The following PTTG1IP2 variants were observed in gnomAD, a reference collection of about 807,000 sequenced individuals.
The protein encoded by PTTG1IP2 is PTTG1IP family member 2.
intron 6 of PTTG1IP2, among the ~76,000 whole-genome samples, chr7:90,507,206 G>A (rs951514237): frequency 6.6e-6 from 1 of 152,070 alleles, no homozygotes; most frequent in South Asian, 2.1e-4. Flanking sequence ...TTCTGTAAGT[G>A]TATGTAGTGA....
chr7:90,485,696 G>C (rs986906564), intron 2 of PTTG1IP2, among the ~76,000 whole-genome samples: 3 of 152,202 alleles, frequency 2.0e-5, no homozygotes, highest in African/African-American at 7.2e-5. Flanking sequence ...AGGCATAGGG[G>C]AGATTGTCTC....
At chr7:90,472,622 C>G (rs1797704941) in intron 1 of PTTG1IP2, among the ~76,000 whole-genome samples, 1 of 152,180 alleles carries the variant, frequency 6.6e-6, no homozygotes, top group Non-Finnish European at 1.5e-5. Flanking sequence ...GTGGTGGGCT[C>G]TGGTAGCTGC....
At chr7:90,508,124 C>T (rs974094652) in intron 6 of PTTG1IP2, among the ~76,000 whole-genome samples, 20 of 151,616 alleles carry the variant, frequency 1.3e-4, no homozygotes, top group Non-Finnish European at 1.3e-4. Context: ...TTTAGCCAGG[C>T]ATGGTGGTGG....
chr7:90,484,962 T>C (rs1447780711), intron 2 of PTTG1IP2, among the ~76,000 whole-genome samples: 1 of 152,174 alleles, frequency 6.6e-6, no homozygotes, highest in Non-Finnish European at 1.5e-5. Flanking sequence ...ACTTAAATAG[T>C]TGTAACTCAA....
At chr7:90,478,196 T>G (rs988924958) in intron 1 of PTTG1IP2, among the ~76,000 whole-genome samples, 3 of 151,926 alleles carry the variant, frequency 2.0e-5, no homozygotes, top group Non-Finnish European at 4.4e-5. Flanking sequence ...TCTGTAAATC[T>G]GAAATTATAC....
rs1221337646 is a variant in PTTG1IP2, at chr7:90,472,477, C to T, written c.145+2546C>T. Among the ~76,000 whole-genome samples, 4 of 152,172 alleles carry T rather than the reference C, an allele frequency of 2.6e-5. No individual in the cohort carries two copies. The East Asian group carries it at 7.7e-4, about 29-fold the overall frequency. ...CAGAATGAAATTAAAAGGCAGATAG[C>T]TCCAAGGAAATAAATTGAAGGCCAA... On this transcript the variant is annotated intron_variant, in intron 1 of 6. Transcript: ENST00000509356.
chr7:90,481,484 A>G lies in PTTG1IP2; in HGVS notation c.192+2210A>G, dbSNP rs188221932. 2.0e-4 allele frequency among the ~76,000 whole-genome samples: 31 copies of G among 152,262 alleles called. 1 individual carries two copies. Among genetic ancestry groups the G allele is most frequent in the Admixed American group, 2.0e-3 (30 of 15,290 alleles). On this transcript the variant is annotated intron_variant, in intron 2 of 6. Coordinates refer to ENST00000509356, the MANE Select transcript of PTTG1IP2 (RefSeq NM_001365443.2). Reference sequence around the variant, plus strand: ...CTATCACTTGCTTTTGGTTAGCAATATTGCCTAAAATTTCCCACAGCAGCA... The same window carrying G: ...CTATCACTTGCTTTTGGTTAGCAATGTTGCCTAAAATTTCCCACAGCAGCA...
chr7:90,490,434 G>GA (rs74273143), intron 4 of PTTG1IP2, among the ~76,000 whole-genome samples: 5,392 of 128,966 alleles, frequency 0.042, 198 homozygotes, highest in African/African-American at 0.1. Flanking sequence ...AGTGCTTGCA[G>GA]AAAAAAAAAA....
chr7:90,490,800 C>T (rs1386125934), intron 4 of PTTG1IP2, among the ~76,000 whole-genome samples: 3 of 152,034 alleles, frequency 2.0e-5, no homozygotes, highest in African/African-American at 2.4e-5. Flanking sequence ...GAGTAGGGGC[C>T]TGAGCAAATA....
At chr7:90,495,950 A>G (rs755775985) in intron 6 of PTTG1IP2, among the ~76,000 whole-genome samples, 8 of 152,204 alleles carry the variant, frequency 5.3e-5, no homozygotes, top group Non-Finnish European at 1.0e-4. Context: ...GTATCTATTA[A>G]AATTTGGGGT....
chr7:90,491,263 G>A (rs1797934845), intron 4 of PTTG1IP2, among the ~76,000 whole-genome samples: 1 of 152,140 alleles, frequency 6.6e-6, no homozygotes, highest in South Asian at 2.1e-4. Context: ...TATTCTTTTA[G>A]CAAATATTTA....
chr7:90,491,896 C>G (rs562562015), intron 4 of PTTG1IP2, among the ~76,000 whole-genome samples: 3 of 151,718 alleles, frequency 2.0e-5, no homozygotes, highest in Non-Finnish European at 4.4e-5. Flanking sequence ...TTTGGGAGGC[C>G]GAAGTGGGTG....
chr7:90,510,764 G>A (rs1230173440), intron 6 of PTTG1IP2, among the ~76,000 whole-genome samples: 2 of 152,190 alleles, frequency 1.3e-5, no homozygotes, highest in Non-Finnish European at 2.9e-5. Context: ...CGAGGAGATG[G>A]TAACCATATC....
chr7:90,481,520 C>T (rs977866932), intron 2 of PTTG1IP2, among the ~76,000 whole-genome samples: 2 of 152,090 alleles, frequency 1.3e-5, no homozygotes, highest in Admixed American at 1.3e-4. Context: ...ATTTCCCCAT[C>T]CCATCAATAT....
At chr7:90,476,944 T>G (rs1797755076) in intron 1 of PTTG1IP2, among the ~76,000 whole-genome samples, 1 of 152,180 alleles carries the variant, frequency 6.6e-6, no homozygotes, top group South Asian at 2.1e-4. Context: ...AAAAATTTTG[T>G]TTTGATATTT....
At chr7:90,470,114 A>G (rs1202589159) in intron 1 of PTTG1IP2, 183 bp downstream of exon 1, 4 of 152,384 alleles carry the variant, frequency 2.6e-5, no homozygotes, top group East Asian at 1.9e-4. Context: ...ACTCAGATTA[A>G]TTTGGTTTAT....
chr7:90,472,283 CA>C (rs1797698948), intron 1 of PTTG1IP2, among the ~76,000 whole-genome samples: 2 of 31,776 alleles, frequency 6.3e-5, no homozygotes, highest in Non-Finnish European at 1.0e-4. Context: ...CATGCAAACA[CA>C]CACACACACA....
intron 5 of PTTG1IP2, among the ~76,000 whole-genome samples, chr7:90,493,555 T>C (rs545836107): frequency 6.6e-5 from 10 of 152,328 alleles, no homozygotes; most frequent in South Asian, 2.1e-4. Context: ...GTTAGGTATT[T>C]ATTTAGTTTA....
At chr7:90,473,188 A>C (rs941816131) in intron 1 of PTTG1IP2, among the ~76,000 whole-genome samples, 1 of 152,172 alleles carries the variant, frequency 6.6e-6, no homozygotes, top group Non-Finnish European at 1.5e-5. Flanking sequence ...TGTAGGGAAA[A>C]GATTAGAGAG....
Sources: gnomAD v4.1 joint callset for allele counts (sites outside exome capture counted in the v4.1 genomes callset) on GRCh38, gnomAD v4.1.1 for gene constraint, MANE v1.5 for transcripts, NCBI Gene and HGNC (gene_info 2026-07-23, HGNC 2026-07-21) for gene names.